Variants in NCKAP1L observed in about 807,000 individuals in gnomAD.
NCKAP1L encodes the protein nck-associated protein 1-like.
NCKAP1L carries 53 observed loss-of-function variants against 139.2 expected under a neutral mutation model. The ratio of observed to expected loss-of-function variants is 0.38; its 90% CI spans 0.31 to 0.48. The LOEUF (loss-of-function observed/expected upper bound fraction) is 0.48, where lower values mean the gene tolerates loss of function less well. Ranked by LOEUF, NCKAP1L falls within the 20% of genes least tolerant of loss-of-function variation. The pLI, the probability that NCKAP1L is intolerant of heterozygous loss-of-function variation, is 0.98. For synonymous variants in NCKAP1L, 468 were observed against 499.7 expected (o/e 0.94, Z 0.85); for missense variants, 1,151 against 1,381.9 (o/e 0.83, Z 2.65).
chr12:54,536,901 C>G (rs1399228340), intron 28 of NCKAP1L, 43 bp from the exon 29 acceptor site: 12 of 1,412,696 alleles, frequency 8.5e-6, no homozygotes, highest in Non-Finnish European at 8.0e-6. Context: ...CTTACTTTGT[C>G]ATTTCCTCTT....
Position 54,509,717 on chromosome 12 carries a change from C to A in NCKAP1L, c.555C>A (p.His185Gln), listed in dbSNP as rs2120897212. 2.5e-6 allele frequency: 4 copies of A among 1,614,178 alleles called. No homozygotes were observed. Among genetic ancestry groups the A allele is most frequent in the Non-Finnish European group, 3.4e-6 (4 of 1,180,028 alleles). ...RLGQMVLEYD[H>Q]PLKKLTEEFG... ...GTCAGATGGTCTTGGAGTATGACCA[C>A]CCTCTGAAGAAGCTGACAGAAGAGT... is the stretch of plus-strand genomic sequence containing the variant. The change falls in exon 6 of 31, where the codon CAC becomes CAA. Residue 185 changes from histidine to glutamine, a missense_variant. Transcript: ENST00000293373.
Position 54,545,294 on chromosome 12 carries a change from C to T in NCKAP1L, c.*2609C>T, listed in dbSNP as rs1957189423. 6.6e-6 allele frequency: 1 copy of T among 152,180 alleles called. No individual in the cohort carries two copies. The highest frequency in any genetic ancestry group is 1.5e-5 in the Non-Finnish European group (1 of 68,032). The allele number at this position is 152,180 out of a possible 1,614,324, so 9.4% of individuals were successfully genotyped here. On this transcript the variant is annotated 3_prime_UTR_variant, in exon 31 of 31. Coordinates refer to ENST00000293373, the MANE Select transcript of NCKAP1L (RefSeq NM_005337.5). Reference sequence around the variant, plus strand: ...GTAGCCAGGGAAGGCTTTCCTATTTCAGGTCAGAAAACAGATTTAGAAATA... The same window carrying T: ...GTAGCCAGGGAAGGCTTTCCTATTTTAGGTCAGAAAACAGATTTAGAAATA...
rs375241356 is a variant in NCKAP1L, at chr12:54,531,240, C to T, written c.2507-20C>T. 8.2e-6 allele frequency: 13 copies of T among 1,587,440 alleles called. No individual in the cohort carries two copies. In the African/African-American group the frequency reaches 1.7e-4, roughly 21 times the overall value. On this transcript the variant is annotated intron_variant, in intron 22 of 30. Transcript: ENST00000293373. The stretch of plus-strand genomic sequence containing the variant: ...AGTGCCTTCTGAGTCCCATCTGGGG[C>T]CTCTGTAACTCTGTTCCAGAGATGC...
chr12:54,539,886 CG>C (rs1957143706), intron 30 of NCKAP1L, among the ~76,000 whole-genome samples: 1 of 152,156 alleles, frequency 6.6e-6, no homozygotes, highest in African/African-American at 2.4e-5. Context: ...TGAGGCGGAC[CG>C]TCCTACTGGT....
intron 10 of NCKAP1L, among the ~76,000 whole-genome samples, 173 bp from the exon 11 acceptor site, chr12:54,516,723 G>A (rs1179263886): frequency 6.6e-6 from 1 of 152,192 alleles, no homozygotes; most frequent in Non-Finnish European, 1.5e-5. Flanking sequence ...TGGAATTACA[G>A]GCAAGAGCCA....
At chr12:54,530,785 A>G (rs958460958) in intron 22 of NCKAP1L, among the ~76,000 whole-genome samples, 1 of 152,192 alleles carries the variant, frequency 6.6e-6, no homozygotes, top group Non-Finnish European at 1.5e-5. Flanking sequence ...TCCTTTATCC[A>G]TATATTTTCC....
At chr12:54,521,886 A>ATGTGTGTGTG (rs34410189) in intron 18 of NCKAP1L, among the ~76,000 whole-genome samples, 1,589 of 147,284 alleles carry the variant, frequency 0.011, 10 homozygotes, top group Non-Finnish European at 0.018. Context: ...GAGTGTGTGT[A>ATGTGTGTGTG]TGTGTGTGTG....
In NCKAP1L at chr12:54,547,150, CT is replaced by C. The variant is rs1451003270; in HGVS notation, c.*4466del. ...GGGAGAGAATAGTTGTCTTTTGAGC[CT>C]CAGAGTGGAACAAGTATACCCAATT... On this transcript the variant is annotated 3_prime_UTR_variant, in exon 31 of 31. Transcript: ENST00000293373. 1.3e-5 allele frequency: 2 copies of C among 152,108 alleles called. No homozygotes were observed. The highest frequency in any genetic ancestry group is 1.3e-4 in the Admixed American group (2 of 15,284). The allele number at this position is 152,108 out of a possible 1,614,324, so 9.4% of individuals were successfully genotyped here.
intron 22 of NCKAP1L, among the ~76,000 whole-genome samples, chr12:54,528,811 A>T (rs910684661): frequency 2.8e-5 from 4 of 143,384 alleles, no homozygotes; most frequent in Admixed American, 6.9e-5. Flanking sequence ...ATATATATAT[A>T]TTTTTAGTAG....
intron 20 of NCKAP1L, 72 bp downstream of exon 20, chr12:54,524,028 T>C (rs1957007921): frequency 1.2e-5 from 18 of 1,497,516 alleles, no homozygotes; most frequent in Middle Eastern, 2.1e-4. Context: ...ATGTGTAGTA[T>C]GGTGGTCCTC....
rs1956943579 is a variant in NCKAP1L, at chr12:54,517,559, C to T, written c.1122C>T (p.Ser374=). 4.3e-6 allele frequency: 7 copies of T among 1,613,954 alleles called. No individual in the cohort carries two copies. The highest frequency in any genetic ancestry group is 2.2e-5 in the South Asian group (2 of 91,092). Residue 374 remains serine, a synonymous_variant, in exon 12 of 31, where the codon TCC becomes TCT. Transcript: ENST00000293373. Reference sequence around the variant, plus strand: ...CTCTTTTTGCTTTCATGGCCCTGTCCTTCATTCGTGATGAGGTCACCTGGC... The same window carrying T: ...CTCTTTTTGCTTTCATGGCCCTGTCTTTCATTCGTGATGAGGTCACCTGGC... The part of the protein sequence containing the change: ...PKALFAFMAL[S]FIRDEVTWLV...
intron 2 of NCKAP1L, among the ~76,000 whole-genome samples, chr12:54,500,194 G>T (rs1036925065): frequency 3.3e-5 from 5 of 151,200 alleles, no homozygotes; most frequent in East Asian, 1.9e-4. Context: ...CACAATCTTG[G>T]CTCACTGCAA....
Position 54,519,218 on chromosome 12 carries a change from A to C in NCKAP1L, c.1511A>C (p.His504Pro), listed in dbSNP as rs758795017. 17 of 1,577,256 alleles carry C rather than the reference A, an allele frequency of 1.1e-5. No homozygotes were observed. The South Asian group carries it at 2.0e-4, about 19-fold the overall frequency. ...AYTSVAKAPL[H>P]LHENPDLAKV... is the part of the protein sequence containing the mutation. ...ACTAGCGTGGCTAAGGCCCCTCTGCACCTGCATGAGAACCCTGACTTAGCC... is the reference window on the plus strand; with the variant it reads ...ACTAGCGTGGCTAAGGCCCCTCTGCCCCTGCATGAGAACCCTGACTTAGCC... The change falls in exon 16 of 31, where the codon CAC becomes CCC. Residue 504 changes from histidine (H) to proline (P), a missense_variant. Transcript: ENST00000293373.
chr12:54,524,998 A>G (rs1957015961), intron 20 of NCKAP1L, among the ~76,000 whole-genome samples: 1 of 152,210 alleles, frequency 6.6e-6, no homozygotes. Context: ...CAGCAAGTGC[A>G]AAGGCTCTGA....
rs1487767859 is a variant in NCKAP1L at position 54,536,930 on chromosome 12, C to G, written c.3074-14C>G. The G allele has an allele frequency of 6.4e-7, 1 of 1,560,338 alleles. No homozygotes were observed. The highest frequency in any genetic ancestry group is 1.4e-5 in the African/African-American group (1 of 73,804). On this transcript the variant is annotated splice_polypyrimidine_tract_variant and intron_variant, in intron 28 of 30. Transcript: ENST00000293373. ...TCCTCTTTTTTCTCTCCATCTATAT[C>G]AATAATAACCTAGGTTACAACAACA...
At chr12:54,517,696 A>C in intron 12 of NCKAP1L, 54 bp downstream of exon 12, 9 of 1,579,878 alleles carry the variant, frequency 5.7e-6, no homozygotes, top group Non-Finnish European at 4.4e-6. Context: ...GGGGACAGGG[A>C]GGCATCAGAT....
At chr12:54,500,121 CTTTTCT>C (rs1259226002) in intron 2 of NCKAP1L, among the ~76,000 whole-genome samples, 2 of 64,636 alleles carry the variant, frequency 3.1e-5, no homozygotes, top group Non-Finnish European at 5.1e-5. Context: ...TTTTTCTTTT[CTTTTCT>C]TTTTTTTTTT....
chr12:54,535,966 G>A (rs181687293), intron 27 of NCKAP1L, among the ~76,000 whole-genome samples, 163 bp from the exon 28 acceptor site: 2 of 152,298 alleles, frequency 1.3e-5, no homozygotes, highest in African/African-American at 2.4e-5. Context: ...GTTTCTTCAG[G>A]AAAATTAAGT....
intron 30 of NCKAP1L, among the ~76,000 whole-genome samples, chr12:54,541,028 T>A (rs1957154021): frequency 6.6e-6 from 1 of 152,262 alleles, no homozygotes. Context: ...CCAGCACTTC[T>A]GTCCCCAGAG....
Sources: gnomAD v4.1 joint callset for allele counts (sites outside exome capture counted in the v4.1 genomes callset) on GRCh38, gnomAD v4.1.1 for gene constraint, MANE v1.5 for transcripts, NCBI Gene and HGNC (gene_info 2026-07-23, HGNC 2026-07-21) for gene names.